The following ZBTB7C variants were observed in gnomAD, a reference collection of about 807,000 sequenced individuals.
ZBTB7C encodes zinc finger and BTB domain-containing protein 7C.
Under a neutral mutation model 25.7 loss-of-function variants are expected in ZBTB7C, and 8 were observed. The observed-to-expected ratio is 0.31, with a 90% CI of 0.18 to 0.56. The LOEUF (loss-of-function observed/expected upper bound fraction) is 0.56. ZBTB7C is among the 20% of genes least tolerant of loss of function. The pLI, the probability that ZBTB7C is intolerant of heterozygous loss-of-function variation, is 0.91. For synonymous variants in ZBTB7C, 394 were observed against 369.0 expected, an observed-to-expected ratio of 1.07 and a Z score of -0.78; for missense variants, 824 against 855.2, an observed-to-expected ratio of 0.96 and a Z score of 0.46.
Position 48,380,817 on chromosome 18 carries a change from T to C in ZBTB7C, c.-304+28409A>G, listed in dbSNP as rs779485135. ...TTGTGACCGATGTACCATACTAATA[T>C]AAGATATTAAGAATAGGGCAACTGG... On this transcript the variant is annotated intron_variant, in intron 1 of 4. Transcript: ENST00000590800. Among the ~76,000 whole-genome samples the C allele has an allele frequency of 1.3e-4, 20 of 152,326 alleles. No individual in the cohort carries two copies. The Middle Eastern group carries it at 0.01, about 78-fold the overall frequency.
intron 3 of ZBTB7C, among the ~76,000 whole-genome samples, chr18:48,168,851 G>A (rs968337568): frequency 1.3e-5 from 2 of 152,190 alleles, no homozygotes; most frequent in Non-Finnish European, 2.9e-5. Flanking sequence ...CCTTCTCAGA[G>A]CAGCTCAGAA....
At chr18:48,177,869 T>C (rs2041737467) in intron 3 of ZBTB7C, among the ~76,000 whole-genome samples, 1 of 152,084 alleles carries the variant, frequency 6.6e-6, no homozygotes, top group Non-Finnish European at 1.5e-5. Flanking sequence ...GAAGGGAGTT[T>C]GGGGTTTAGA....
intron 2 of ZBTB7C, among the ~76,000 whole-genome samples, chr18:48,288,105 T>C (rs1038109645): frequency 1.3e-5 from 2 of 152,108 alleles, no homozygotes; most frequent in Admixed American, 1.3e-4. Context: ...AAGGAAGAAA[T>C]GAAACTGACA....
chr18:48,173,632 A>T (rs1305254850), intron 3 of ZBTB7C, among the ~76,000 whole-genome samples: 1 of 152,222 alleles, frequency 6.6e-6, no homozygotes, highest in Non-Finnish European at 1.5e-5. Flanking sequence ...ACCACATTTA[A>T]GGAGGCACTC....
intron 3 of ZBTB7C, among the ~76,000 whole-genome samples, chr18:48,124,075 C>T (rs1176846041): frequency 6.6e-6 from 1 of 152,206 alleles, no homozygotes; most frequent in Non-Finnish European, 1.5e-5. Flanking sequence ...ACCCCATGAC[C>T]TGGGGATCAT....
chr18:48,047,631 C>A (rs1368987120), intron 3 of ZBTB7C, among the ~76,000 whole-genome samples: 1 of 152,114 alleles, frequency 6.6e-6, no homozygotes, highest in Non-Finnish European at 1.5e-5. Context: ...TCCAAGCAAC[C>A]CTGTCTGAAA....
chr18:48,337,277 C>T (rs2046477718), intron 2 of ZBTB7C, among the ~76,000 whole-genome samples: 1 of 152,188 alleles, frequency 6.6e-6, no homozygotes, highest in Admixed American at 6.5e-5. Context: ...TTTCCCAAGG[C>T]CCCAAGCTAT....
intron 2 of ZBTB7C, among the ~76,000 whole-genome samples, chr18:48,324,240 A>C (rs1429802235): frequency 1.3e-5 from 2 of 152,166 alleles, no homozygotes; most frequent in African/African-American, 4.8e-5. Context: ...AGGGCCAGGG[A>C]ATGGACCATC....
intron 2 of ZBTB7C, among the ~76,000 whole-genome samples, chr18:48,315,018 T>C (rs1218897673): frequency 6.6e-6 from 1 of 152,132 alleles, no homozygotes; most frequent in African/African-American, 2.4e-5. Flanking sequence ...ACCATGGGCA[T>C]GGCAGCTTCT....
intron 3 of ZBTB7C, among the ~76,000 whole-genome samples, chr18:48,123,254 AACG>A (rs1446751164): frequency 6.6e-6 from 1 of 152,260 alleles, no homozygotes; most frequent in Non-Finnish European, 1.5e-5. Flanking sequence ...GAAGTTTACA[AACG>A]AATGAGAAAA....
At chr18:48,211,121 C>A (rs2145246433) in intron 2 of ZBTB7C, among the ~76,000 whole-genome samples, 1 of 152,248 alleles carries the variant, frequency 6.6e-6, no homozygotes, top group East Asian at 1.9e-4. Context: ...GGTGTTAAAA[C>A]AACTGTATAT....
At chr18:48,070,764 T>A (rs903069175) in intron 3 of ZBTB7C, among the ~76,000 whole-genome samples, 1 of 151,806 alleles carries the variant, frequency 6.6e-6, no homozygotes, top group African/African-American at 2.4e-5. Flanking sequence ...GCAAGAAGAG[T>A]CTATAGATCC....
At chr18:48,270,253 CTTTTTTTTTTTTT>C (rs760096959) in intron 2 of ZBTB7C, among the ~76,000 whole-genome samples, 20 of 98,776 alleles carry the variant, frequency 2.0e-4, no homozygotes, top group Middle Eastern at 7.6e-3. Flanking sequence ...TTCTCTCTTT[CTTTTTTTTTTTTT>C]TTTTTTTTTT....
rs371325013 is a variant in ZBTB7C, at chr18:48,373,822, A to G, written c.-304+35404T>C. On this transcript the variant is annotated intron_variant, in intron 1 of 4. Coordinates refer to ENST00000590800, the MANE Select transcript of ZBTB7C (RefSeq NM_001318841.2). ...TAAAAATACCAAAAATTAGCCAGGCATGGTGGCGGGGGCCTGTAGTCCCAG... is the reference window on the plus strand; with the variant it reads ...TAAAAATACCAAAAATTAGCCAGGCGTGGTGGCGGGGGCCTGTAGTCCCAG... Among the ~76,000 whole-genome samples, 543 of 152,226 alleles carry G rather than the reference A, an allele frequency of 3.6e-3. 5 individuals are homozygous for G. Among genetic ancestry groups the G allele is most frequent in the Non-Finnish European group, 6.2e-3 (421 of 67,994 alleles).
chr18:48,199,541 T>G (rs2042389149), intron 2 of ZBTB7C, among the ~76,000 whole-genome samples: 1 of 152,220 alleles, frequency 6.6e-6, no homozygotes, highest in South Asian at 2.1e-4. Flanking sequence ...AGGACATCAA[T>G]TACAGTTTTA....
At chr18:48,308,137 G>A (rs576171015) in intron 2 of ZBTB7C, among the ~76,000 whole-genome samples, 7 of 152,128 alleles carry the variant, frequency 4.6e-5, no homozygotes, top group Non-Finnish European at 5.9e-5. Context: ...TCCCATGTCA[G>A]CCATGCAAGG....
intron 2 of ZBTB7C, among the ~76,000 whole-genome samples, chr18:48,215,870 T>C (rs1037620996): frequency 2.0e-5 from 3 of 152,228 alleles, no homozygotes; most frequent in Non-Finnish European, 4.4e-5. Flanking sequence ...TAAAGAAATA[T>C]ATTTTGGGGT....
intron 3 of ZBTB7C, among the ~76,000 whole-genome samples, chr18:48,101,790 A>T (rs1474450222): frequency 2.6e-5 from 4 of 152,168 alleles, no homozygotes; most frequent in Non-Finnish European, 5.9e-5. Flanking sequence ...CTGGTCTCTC[A>T]TTCATTCTAA....
chr18:48,037,689 A>T (rs2036037353), intron 4 of ZBTB7C, among the ~76,000 whole-genome samples: 1 of 152,138 alleles, frequency 6.6e-6, no homozygotes, highest in Non-Finnish European at 1.5e-5. Flanking sequence ...ACACAGATAG[A>T]TCCTTTTGGA....
Sources: allele counts gnomAD v4.1 joint callset (sites outside exome capture counted in the v4.1 genomes callset), GRCh38; gene constraint gnomAD v4.1.1; transcripts MANE v1.5; gene names NCBI Gene and HGNC (gene_info 2026-07-23, HGNC 2026-07-21).